Variants in ROBO2 observed in about 807,000 individuals in gnomAD.
ROBO2 encodes the protein roundabout homolog 2.
ROBO2 carries 53 observed loss-of-function variants against 160.8 expected under a neutral mutation model. That is an observed-to-expected ratio of 0.33 (90% CI 0.26 to 0.41). The LOEUF (loss-of-function observed/expected upper bound fraction) is 0.41, where lower values mean the gene tolerates loss of function less well. Ranked by LOEUF, ROBO2 falls within the 10% of genes least tolerant of loss-of-function variation. ROBO2 has a pLI of 1.00. For synonymous variants in ROBO2, 664 were observed against 611.7 expected (o/e 1.09, Z -1.26); for missense variants, 1,577 against 1,722.4 (o/e 0.92, Z 1.49).
chr3:76,108,626 C>T (rs1370914519), intron 2 of ROBO2, among the ~76,000 whole-genome samples: 1 of 151,588 alleles, frequency 6.6e-6, no homozygotes, highest in African/African-American at 2.4e-5. Flanking sequence ...TTCCTCAATT[C>T]TTCATAGTTA....
At chr3:77,006,978 G>A (rs1308917795) in intron 2 of ROBO2, among the ~76,000 whole-genome samples, 2 of 152,070 alleles carry the variant, frequency 1.3e-5, no homozygotes. Context: ...CCTTAAATCT[G>A]TTAAAACTTT....
At chr3:77,566,719 G>C (rs770308938) in intron 12 of ROBO2, among the ~76,000 whole-genome samples, 9 of 151,892 alleles carry the variant, frequency 5.9e-5, no homozygotes, top group Non-Finnish European at 1.0e-4. Flanking sequence ...AGTTGTTTGT[G>C]GTCTGGTTTG....
intron 2 of ROBO2, among the ~76,000 whole-genome samples, chr3:76,608,356 C>T (rs1251839984): frequency 1.3e-5 from 2 of 152,144 alleles, no homozygotes; most frequent in Non-Finnish European, 2.9e-5. Flanking sequence ...TGGCAAAGAC[C>T]TTCAGATTGA....
chr3:77,166,866 A>C (rs2079144159), intron 2 of ROBO2, among the ~76,000 whole-genome samples: 2 of 152,164 alleles, frequency 1.3e-5, no homozygotes, highest in Non-Finnish European at 2.9e-5. Context: ...GCCGACACAG[A>C]GGTTTTTAAG....
At chr3:77,129,677 G>A (rs1256031167) in intron 2 of ROBO2, among the ~76,000 whole-genome samples, 2 of 152,130 alleles carry the variant, frequency 1.3e-5, no homozygotes, top group East Asian at 1.9e-4. Flanking sequence ...AGAAGAATTG[G>A]GCCCTTTCTG....
At chr3:76,796,476 GA>G (rs1277752490) in intron 2 of ROBO2, among the ~76,000 whole-genome samples, 120 of 100,350 alleles carry the variant, frequency 1.2e-3, no homozygotes, top group Admixed American at 5.6e-3. Flanking sequence ...AGGAAGGAAG[GA>G]AGGAGGGAAG....
At chr3:77,210,397 A>G (rs889809002) in intron 2 of ROBO2, among the ~76,000 whole-genome samples, 1 of 152,134 alleles carries the variant, frequency 6.6e-6, no homozygotes, top group African/African-American at 2.4e-5. Flanking sequence ...ATAGGTTAAA[A>G]AGAATTTTAT....
At chr3:76,791,966 G>A (rs1348901513) in intron 2 of ROBO2, among the ~76,000 whole-genome samples, 1 of 151,828 alleles carries the variant, frequency 6.6e-6, no homozygotes, top group Non-Finnish European at 1.5e-5. Flanking sequence ...GATGTGCAAA[G>A]GTTATATGCA....
intron 2 of ROBO2, among the ~76,000 whole-genome samples, chr3:76,015,423 G>GTT (rs1163229137): frequency 6.6e-6 from 1 of 150,910 alleles, no homozygotes; most frequent in African/African-American, 2.4e-5. Flanking sequence ...ATCAGGCTGA[G>GTT]TTTATTCCCT....
chr3:76,982,101 A>G (rs2060129818), intron 2 of ROBO2, among the ~76,000 whole-genome samples: 1 of 152,076 alleles, frequency 6.6e-6, no homozygotes, highest in African/African-American at 2.4e-5. Context: ...CAATTTCTCT[A>G]TTTTTTTGTT....
intron 2 of ROBO2, among the ~76,000 whole-genome samples, chr3:76,951,536 T>A (rs186124705): frequency 4.4e-4 from 67 of 152,334 alleles, no homozygotes; most frequent in Non-Finnish European, 7.9e-4. Flanking sequence ...TATTTATAGA[T>A]TTACGTAAAG....
chr3:76,989,142 C>T (rs1251588971), intron 2 of ROBO2, among the ~76,000 whole-genome samples: 1 of 152,060 alleles, frequency 6.6e-6, no homozygotes, highest in East Asian at 1.9e-4. Flanking sequence ...GGAAGAAACT[C>T]ATTTAACATG....
intron 2 of ROBO2, among the ~76,000 whole-genome samples, chr3:76,767,617 C>A (rs950800897): frequency 2.6e-5 from 4 of 151,442 alleles, no homozygotes; most frequent in African/African-American, 9.7e-5. Flanking sequence ...AGAACAACCT[C>A]CATAAAGAAA....
At chr3:76,490,756 G>A (rs1220983582) in intron 2 of ROBO2, among the ~76,000 whole-genome samples, 2 of 152,132 alleles carry the variant, frequency 1.3e-5, no homozygotes, top group Non-Finnish European at 2.9e-5. Flanking sequence ...AGTGTTGAAT[G>A]TCTATCGCAT....
At position 77,301,608 on chromosome 3, in the gene ROBO2, G is replaced by A. The variant is rs190807785; in HGVS notation, c.389-175806G>A. ...ATATCTAAATTCGCACATGAGCAAAGCAAAATTAAATGGCCTATGCCATTC... is the reference window on the plus strand; with the variant it reads ...ATATCTAAATTCGCACATGAGCAAAACAAAATTAAATGGCCTATGCCATTC... On this transcript the variant is annotated intron_variant, in intron 2 of 25. Transcript: ENST00000461745. Among the ~76,000 whole-genome samples, 697 of 152,266 alleles carry A rather than the reference G, an allele frequency of 4.6e-3. 4 individuals are homozygous for A. Among genetic ancestry groups the A allele is most frequent in the Middle Eastern group, 0.017 (5 of 294 alleles).
At chr3:76,721,410 A>G (rs1418380149) in intron 2 of ROBO2, among the ~76,000 whole-genome samples, 1 of 152,192 alleles carries the variant, frequency 6.6e-6, no homozygotes, top group Non-Finnish European at 1.5e-5. Context: ...TTTCCTTCAT[A>G]ATATAATAGA....
chr3:77,274,911 C>G (rs1026575853), intron 2 of ROBO2, among the ~76,000 whole-genome samples: 3 of 152,038 alleles, frequency 2.0e-5, no homozygotes, highest in Non-Finnish European at 4.4e-5. Flanking sequence ...AATTAAAAAA[C>G]AGATATCTAT....
intron 2 of ROBO2, among the ~76,000 whole-genome samples, chr3:76,052,594 G>C (rs554106144): frequency 6.6e-6 from 1 of 151,778 alleles, no homozygotes; most frequent in African/African-American, 2.4e-5. Flanking sequence ...CAGTGTTTCT[G>C]TAAGGACTTT....
At chr3:76,504,379 C>G (rs577402133) in intron 2 of ROBO2, among the ~76,000 whole-genome samples, 2 of 152,056 alleles carry the variant, frequency 1.3e-5, no homozygotes, top group South Asian at 2.1e-4. Flanking sequence ...GCCTAATGAC[C>G]GTGAAGAACT....
Sources: gnomAD v4.1 joint callset for allele counts (sites outside exome capture counted in the v4.1 genomes callset) on GRCh38, gnomAD v4.1.1 for gene constraint, MANE v1.5 for transcripts, NCBI Gene and HGNC (gene_info 2026-07-23, HGNC 2026-07-21) for gene names.